C4orf46: variants seen among roughly 807,000 people sequenced by gnomAD.
C4orf46 encodes the protein chromosome 4 open reading frame 46.
C4orf46 carries 8 observed loss-of-function variants against 9.1 expected under a neutral mutation model. The ratio of observed to expected loss-of-function variants is 0.88; its 90% CI spans 0.52 to 1.59. C4orf46 has a LOEUF of 1.59. Ranked by LOEUF, C4orf46 falls within the 40% of genes most tolerant of loss-of-function variation. C4orf46 has a pLI of 0.00. For missense variants in C4orf46, 151 were observed against 139.1 expected, an observed-to-expected ratio of 1.09 and a Z score of -0.43; for synonymous variants, 51 against 58.8, an observed-to-expected ratio of 0.87 and a Z score of 0.61.
upstream of C4orf46, chr4:158,671,928 G>T: frequency 2.7e-6 from 2 of 741,514 alleles, no homozygotes; most frequent in South Asian, 2.0e-5. Flanking sequence ...CAGTCTCCTC[G>T]TGGGTCTCAG....
intron 1 of C4orf46, among the ~76,000 whole-genome samples, chr4:158,670,534 A>G (rs889400456): frequency 1.3e-5 from 2 of 152,232 alleles, no homozygotes; most frequent in Non-Finnish European, 2.9e-5. Context: ...GACAAATAAC[A>G]TTAAAAAATC....
In C4orf46 at chr4:158,669,705, G is replaced by C. The variant is rs1773466975; in HGVS notation, c.250C>G (p.Leu84Val). The change falls in exon 2 of 2, where the codon CTT becomes GTT. Residue 84 changes from leucine to valine, a missense_variant. By Grantham distance (32) the Leu-to-Val change is conservative (BLOSUM62 1). Coordinates refer to ENST00000379205, the MANE Select transcript of C4orf46 (RefSeq NM_001008393.4). ...TSAVSAQVEELAFKCTENARF... is the reference protein window; with the variant it reads ...TSAVSAQVEEVAFKCTENARF... ...GCATTTTCTGTACATTTGAAGGCAA[G>C]TTCTTCCACTTGAGCTGATACTGCA... 1.2e-5 allele frequency: 19 copies of C among 1,613,532 alleles called. No homozygotes were observed. Among genetic ancestry groups the C allele is most frequent in the Non-Finnish European group, 1.6e-5 (19 of 1,179,764 alleles).
At chr4:158,671,122 G>A (rs1773524017) in intron 1 of C4orf46, among the ~76,000 whole-genome samples, 1 of 152,184 alleles carries the variant, frequency 6.6e-6, no homozygotes, top group Non-Finnish European at 1.5e-5. Flanking sequence ...CTGGGCAGGT[G>A]GCCAACTAGA....
In C4orf46 at chr4:158,669,316, C is replaced by A. The variant is rs999846040; in HGVS notation, c.*297G>T. 1.9e-5 allele frequency: 4 copies of A among 212,974 alleles called. No individual in the cohort carries two copies. Among genetic ancestry groups the A allele is most frequent in the Non-Finnish European group, 2.8e-5 (3 of 108,066 alleles). 13.2% of individuals were successfully genotyped at this position (212,974 alleles called of 1,614,324 possible). On this transcript the variant is annotated 3_prime_UTR_variant, in exon 2 of 2. Coordinates refer to ENST00000379205, the MANE Select transcript of C4orf46 (RefSeq NM_001008393.4). ...AAATAATGGTCTACCTAGTTTGCTA[C>A]TGGTAGCACTGTGGCTCTATTAATA...
chr4:158,670,023 C>CTTTTTTTTTTTTTTTT (rs767110704), intron 1 of C4orf46, among the ~76,000 whole-genome samples: 407 of 17,666 alleles, frequency 0.023, 20 homozygotes, highest in African/African-American at 0.041. Flanking sequence ...TAGTTGTTTT[C>CTTTTTTTTTTTTTTTT]TTTTTTTTTT....
Position 158,671,859 on chromosome 4 carries a change from T to C in C4orf46, c.-58A>G. 1 of 1,374,316 alleles carries C rather than the reference T, an allele frequency of 7.3e-7. No homozygotes were observed. Among genetic ancestry groups the C allele is most frequent in the African/African-American group, 1.5e-5 (1 of 67,336 alleles). 85.1% of individuals were successfully genotyped at this position (1,374,316 alleles called of 1,614,324 possible). ...AGAAGCCGAACCGACACCAACTGTC[T>C]TTTAACCACTCGCGCCCAAAGCCGA... On this transcript the variant is annotated 5_prime_UTR_variant, in exon 1 of 2. Coordinates refer to ENST00000379205, the MANE Select transcript of C4orf46 (RefSeq NM_001008393.4).
chr4:158,669,455 C>T lies in C4orf46; in HGVS notation c.*158G>A, dbSNP rs1264964113. The stretch of plus-strand genomic sequence containing the variant: ...CCGCAACAAAAATAGCATCGGTATT[C>T]TGCTTTCACAAAAACCAAGAAAACC... On this transcript the variant is annotated 3_prime_UTR_variant, in exon 2 of 2. Coordinates refer to ENST00000379205, the MANE Select transcript of C4orf46 (RefSeq NM_001008393.4). 1.6e-6 allele frequency: 1 copy of T among 622,608 alleles called. No homozygotes were observed. The highest frequency in any genetic ancestry group is 3.4e-5 in the Admixed American group (1 of 29,682). 38.6% of individuals were successfully genotyped at this position (622,608 alleles called of 1,614,324 possible).
In C4orf46 at chr4:158,671,857, T is replaced by C; in HGVS notation, c.-56A>G. ...CGAGAAGCCGAACCGACACCAACTGTCTTTTAACCACTCGCGCCCAAAGCC... is the reference window on the plus strand; with the variant it reads ...CGAGAAGCCGAACCGACACCAACTGCCTTTTAACCACTCGCGCCCAAAGCC... On this transcript the variant is annotated 5_prime_UTR_variant, in exon 1 of 2. Transcript: ENST00000379205. 1 of 1,380,482 alleles carries C rather than the reference T, an allele frequency of 7.2e-7. No individual in the cohort carries two copies. Among genetic ancestry groups the C allele is most frequent in the South Asian group, 1.5e-5 (1 of 65,254 alleles). The allele number at this position is 1,380,482 out of a possible 1,614,324, so 85.5% of individuals were successfully genotyped here. A position where few individuals can be genotyped will look rare whatever the true frequency, so the allele number is the denominator to read the frequency against.
In C4orf46 at chr4:158,667,629, A is replaced by C. The variant is rs760390396; in HGVS notation, c.*1984T>G. 6 of 152,110 alleles carry C rather than the reference A, an allele frequency of 3.9e-5. No individual in the cohort carries two copies. Among genetic ancestry groups the C allele is most frequent in the Non-Finnish European group, 7.4e-5 (5 of 68,012 alleles). The allele number at this position is 152,110 out of a possible 1,614,324, so 9.4% of individuals were successfully genotyped here. A position where few individuals can be genotyped will look rare whatever the true frequency, so the allele number is the denominator to read the frequency against. On this transcript the variant is annotated 3_prime_UTR_variant, in exon 2 of 2. Coordinates refer to ENST00000379205, the MANE Select transcript of C4orf46 (RefSeq NM_001008393.4). Reference sequence around the variant, plus strand: ...GAGATGGGAGGATTGTTTGAGTCCAAGTTTAAGGTTACAGTGAGCTATGAT... The same window carrying C: ...GAGATGGGAGGATTGTTTGAGTCCACGTTTAAGGTTACAGTGAGCTATGAT...
intron 1 of C4orf46, among the ~76,000 whole-genome samples, chr4:158,671,137 C>T (rs1773525033): frequency 6.6e-6 from 1 of 152,224 alleles, no homozygotes; most frequent in Non-Finnish European, 1.5e-5. Context: ...ACTAGAACAG[C>T]AGGCTCTAAG....
In C4orf46 at chr4:158,669,279, T is replaced by C. The variant is rs117461135; in HGVS notation, c.*334A>G. On this transcript the variant is annotated 3_prime_UTR_variant, in exon 2 of 2. Coordinates refer to ENST00000379205, the MANE Select transcript of C4orf46 (RefSeq NM_001008393.4). Reference sequence around the variant, plus strand: ...TTCAAAGTCTGCCATGCTTAGCATCTTGTTGCAAAACAAATAATGGTCTAC... The same window carrying C: ...TTCAAAGTCTGCCATGCTTAGCATCCTGTTGCAAAACAAATAATGGTCTAC... 1.9e-3 allele frequency: 322 copies of C among 171,612 alleles called. No individual in the cohort carries two copies. Among genetic ancestry groups the C allele is most frequent in the East Asian group, 0.012 (76 of 6,386 alleles). The allele number at this position is 171,612 out of a possible 1,614,324, so 10.6% of individuals were successfully genotyped here.
chr4:158,671,942 C>G (rs900340824), upstream of C4orf46: 1 of 659,776 alleles, frequency 1.5e-6, no homozygotes, highest in African/African-American at 1.9e-5. Flanking sequence ...GTCTCAGCCC[C>G]GGACCACAAA....
intron 1 of C4orf46, 34 bp from the exon 2 acceptor site, chr4:158,669,802 TA>T (rs1773475516): frequency 1.3e-6 from 2 of 1,542,298 alleles, no homozygotes; most frequent in Non-Finnish European, 1.8e-6. Context: ...ATTTTATTTT[TA>T]AAATTCTCAT....
In C4orf46 at chr4:158,667,164, C is replaced by A. The variant is rs191627949; in HGVS notation, c.*2449G>T. Reference sequence around the variant, plus strand: ...CAGAAAGGTCAGAATCTGGCCCTTACATAGTAACTGCATGACAGATGTTGC... The same window carrying A: ...CAGAAAGGTCAGAATCTGGCCCTTAAATAGTAACTGCATGACAGATGTTGC... On this transcript the variant is annotated 3_prime_UTR_variant, in exon 2 of 2. Coordinates refer to ENST00000379205, the MANE Select transcript of C4orf46 (RefSeq NM_001008393.4). The A allele has an allele frequency of 9.8e-5, 15 of 152,302 alleles. No homozygotes were observed. Among genetic ancestry groups the A allele is most frequent in the African/African-American group, 3.6e-4 (15 of 41,552 alleles). The allele number at this position is 152,302 out of a possible 1,614,324, so 9.4% of individuals were successfully genotyped here. A position where few individuals can be genotyped will look rare whatever the true frequency, so the allele number is the denominator to read the frequency against.
chr4:158,671,789 C>G lies in C4orf46; in HGVS notation c.13G>C (p.Glu5Gln). The change falls in exon 1 of 2, where the codon GAG becomes CAG. Residue 5 changes from glutamate to glutamine, a missense_variant. Glu to Gln is a conservative substitution (Grantham distance 29). Transcript: ENST00000379205. MADP[E>Q]ELQVSSPPPP... ...GGCGGCGAAGAAACCTGCAACTCCTCAGGGTCGGCCATGGGGAAGGGTTGG... is the reference window on the plus strand; with the variant it reads ...GGCGGCGAAGAAACCTGCAACTCCTGAGGGTCGGCCATGGGGAAGGGTTGG... 6.5e-7 allele frequency: 1 copy of G among 1,542,102 alleles called. No individual in the cohort carries two copies. The highest frequency in any genetic ancestry group is 8.8e-7 in the Non-Finnish European group (1 of 1,142,544).
In C4orf46 at chr4:158,666,703, T is replaced by G. The variant is rs1773383624; in HGVS notation, c.*2910A>C. 6.6e-6 allele frequency: 1 copy of G among 152,144 alleles called. No individual in the cohort carries two copies. The allele number at this position is 152,144 out of a possible 1,614,324, so 9.4% of individuals were successfully genotyped here. ...ACAAGAGAAAAACAAGTAATTTTAT[T>G]AATATATGCAACGTACATCACACAG... On this transcript the variant is annotated 3_prime_UTR_variant, in exon 2 of 2. Coordinates refer to ENST00000379205, the MANE Select transcript of C4orf46 (RefSeq NM_001008393.4).
chr4:158,669,650 A>G lies in C4orf46; in HGVS notation c.305T>C (p.Leu102Ser). Residue 102 changes from leucine to serine, a missense_variant, in exon 2 of 2, where the codon TTG (leucine) becomes TCG (serine). Transcript: ENST00000379205. ...ARFLKTWRDL[L>S]KEGYDSLKPD... Reference sequence around the variant, plus strand: ...TTTCAAAGAATCATAGCCTTCTTTCAAGAGGTCCCGCCACGTTTTAAGGAA... The same window carrying G: ...TTTCAAAGAATCATAGCCTTCTTTCGAGAGGTCCCGCCACGTTTTAAGGAA... The G allele has an allele frequency of 1.2e-6, 2 of 1,613,918 alleles. No individual in the cohort carries two copies. The highest frequency in any genetic ancestry group is 1.7e-6 in the Non-Finnish European group (2 of 1,179,986).
Position 158,671,807 on chromosome 4 carries a change from A to G in C4orf46, c.-6T>C. The stretch of plus-strand genomic sequence containing the variant: ...AACTCCTCAGGGTCGGCCATGGGGA[A>G]GGGTTGGGACCGCGGAATCCGACCC... On this transcript the variant is annotated 5_prime_UTR_variant, in exon 1 of 2. Transcript: ENST00000379205. 6.5e-7 allele frequency: 1 copy of G among 1,533,098 alleles called. No homozygotes were observed. Among genetic ancestry groups the G allele is most frequent in the Non-Finnish European group, 8.8e-7 (1 of 1,137,432 alleles). 95.0% of individuals were successfully genotyped at this position (1,533,098 alleles called of 1,614,324 possible). A position where few individuals can be genotyped will look rare whatever the true frequency, so the allele number is the denominator to read the frequency against.
At position 158,671,728 on chromosome 4, in the gene C4orf46, G is replaced by A; in HGVS notation, c.74C>T (p.Ala25Val). The part of the protein sequence containing the change: ...PPPSSPSSSD[A>V]SAASSPGGPV... The stretch of plus-strand genomic sequence containing the variant: ...GCCGCCCGGGGAAGATGCTGCAGAG[G>A]CGTCTGAAGAGGAGGGAGAAGAGGG... The change falls in exon 1 of 2, where the codon GCC becomes GTC. Residue 25 changes from alanine to valine, a missense_variant. By Grantham distance (64) the Ala-to-Val change is moderately conservative. Transcript: ENST00000379205. 6.3e-7 allele frequency: 1 copy of A among 1,597,772 alleles called. No homozygotes were observed. Among genetic ancestry groups the A allele is most frequent in the Non-Finnish European group, 8.5e-7 (1 of 1,172,432 alleles).
Sources: gnomAD v4.1 joint callset for allele counts (sites outside exome capture counted in the v4.1 genomes callset) on GRCh38, gnomAD v4.1.1 for gene constraint, MANE v1.5 for transcripts, NCBI Gene and HGNC (gene_info 2026-07-23, HGNC 2026-07-21) for gene names.